IGDCC4: variants seen among roughly 807,000 people sequenced by gnomAD.
IGDCC4 encodes the protein immunoglobulin superfamily DCC subclass member 4, also known as likely ortholog of mouse neighbor of Punc E11.
Under a neutral mutation model 116.6 loss-of-function variants are expected in IGDCC4, and 72 were observed. The ratio of observed to expected loss-of-function variants is 0.62; its 90% confidence interval spans 0.51 to 0.75. The LOEUF is 0.75. Ranked by LOEUF, IGDCC4 falls within the 30% of genes least tolerant of loss-of-function variation. IGDCC4 has a pLI of 0.00. For missense variants in IGDCC4, 1,501 were observed against 1,662.4 expected, an observed-to-expected ratio of 0.90 and a Z score of 1.69; for synonymous variants, 709 against 719.9, an observed-to-expected ratio of 0.98 and a Z score of 0.24.
chr15:65,393,241 G>A lies in IGDCC4; in HGVS notation c.1885+120C>T. The A allele has an allele frequency of 9.4e-7, 1 of 1,064,950 alleles. No individual in the cohort carries two copies. Among genetic ancestry groups the A allele is most frequent in the East Asian group, 2.9e-5 (1 of 34,000 alleles). 66.0% of individuals were successfully genotyped at this position (1,064,950 alleles called of 1,614,324 possible). On this transcript the variant is annotated intron_variant, in intron 10 of 19. Coordinates refer to ENST00000352385, the MANE Select transcript of IGDCC4 (RefSeq NM_020962.3). The surrounding 1 kb of genome is among the most constrained non-coding windows in gnomAD (Gnocchi z 4.6). Reference sequence around the variant, plus strand: ...AGCCTCACTCACCCATCAAGCGGAGGGAGCCATGGAAGGTCTCTGATGGAG... The same window carrying A: ...AGCCTCACTCACCCATCAAGCGGAGAGAGCCATGGAAGGTCTCTGATGGAG...
rs773917542 is a variant in IGDCC4, at chr15:65,384,585, A to C, written c.3343-166T>G. Among the ~76,000 whole-genome samples the C allele has an allele frequency of 3.5e-4, 54 of 152,124 alleles. No homozygotes were observed. Among genetic ancestry groups the C allele is most frequent in the Non-Finnish European group, 7.2e-4 (49 of 68,010 alleles). On this transcript the variant is annotated intron_variant, in intron 19 of 19. Coordinates refer to ENST00000352385, the MANE Select transcript of IGDCC4 (RefSeq NM_020962.3). This position sits in a 1 kb window ranked among gnomAD's most constrained non-coding sequence, Gnocchi z 4.9. ...TGTTCGAACCTATACAAAGGCAGGG[A>C]ATGATGGAATACTTCCCATTTGCCC... is the stretch of plus-strand genomic sequence containing the variant.
At position 65,396,033 on chromosome 15, in the gene IGDCC4, CCGCAGCG is replaced by C; in HGVS notation, c.1121_1127del (p.Pro374ArgfsTer65). 1 of 1,467,946 alleles carries C rather than the reference CCGCAGCG, an allele frequency of 6.8e-7. No homozygotes were observed. Among genetic ancestry groups the C allele is most frequent in the South Asian group, 1.4e-5 (1 of 73,286 alleles). 90.9% of individuals were successfully genotyped at this position (1,467,946 alleles called of 1,614,324 possible). ...CCTGGACCTTGACGCGCCCGTTGGG[CCGCAGCG>C]GCGCCCCGTTGTGCAGCCAGCGCAG... is the stretch of plus-strand genomic sequence containing the variant. On this transcript the variant is annotated frameshift_variant, in exon 7 of 20. Coordinates refer to ENST00000352385, the MANE Select transcript of IGDCC4 (RefSeq NM_020962.3). LOFTEE classifies it high-confidence loss of function.
chr15:65,407,891 C>T (rs1464360302), intron 3 of IGDCC4, among the ~76,000 whole-genome samples: 1 of 151,902 alleles, frequency 6.6e-6, no homozygotes, highest in African/African-American at 2.4e-5. Flanking sequence ...GCCTCAGCCT[C>T]CCAAAGTGCT....
Position 65,407,039 on chromosome 15 carries a change from G to A in IGDCC4, c.563+3139C>T, listed in dbSNP as rs147808853. 2.7e-3 allele frequency among the ~76,000 whole-genome samples: 417 copies of A among 152,134 alleles called. 2 individuals carry two copies. Among genetic ancestry groups the A allele is most frequent in the African/African-American group, 9.4e-3 (391 of 41,492 alleles). On this transcript the variant is annotated intron_variant, in intron 3 of 19. Transcript: ENST00000352385. ...AACTTCTTCAGACCTCACAGGTTCC[G>A]CACCCAGCCACCAAATGACACCTAC...
intron 13 of IGDCC4, among the ~76,000 whole-genome samples, chr15:65,389,752 G>A (rs568945476): frequency 2.0e-4 from 31 of 152,210 alleles, no homozygotes; most frequent in African/African-American, 7.5e-4. Context: ...CTTTTTATGC[G>A]ACTTTCCTCC....
At chr15:65,418,842 A>G (rs1302270186) in intron 1 of IGDCC4, among the ~76,000 whole-genome samples, 9 of 151,946 alleles carry the variant, frequency 5.9e-5, no homozygotes, top group African/African-American at 2.2e-4. Context: ...TAAGTGGAGG[A>G]GGGTGGATTC....
At position 65,393,275 on chromosome 15, in the gene IGDCC4, C is replaced by G; in HGVS notation, c.1885+86G>C. Reference sequence around the variant, plus strand: ...GAAGGTCTCTGATGGAGGGCGGGGCCAGGGGGTGGGGCGCTGGGTCCCAAG... The same window carrying G: ...GAAGGTCTCTGATGGAGGGCGGGGCGAGGGGGTGGGGCGCTGGGTCCCAAG... On this transcript the variant is annotated intron_variant, in intron 10 of 19. Coordinates refer to ENST00000352385, the MANE Select transcript of IGDCC4 (RefSeq NM_020962.3). The surrounding 1 kb of genome is among the most constrained non-coding windows in gnomAD (Gnocchi z 4.6). 2.1e-6 allele frequency: 3 copies of G among 1,412,900 alleles called. No individual in the cohort carries two copies. In the South Asian group the frequency reaches 4.7e-5, roughly 22 times the overall value. 87.5% of individuals were successfully genotyped at this position (1,412,900 alleles called of 1,614,324 possible). A position where few individuals can be genotyped will look rare whatever the true frequency, so the allele number is the denominator to read the frequency against.
chr15:65,417,450 A>G (rs545872018), intron 1 of IGDCC4, among the ~76,000 whole-genome samples: 36 of 152,152 alleles, frequency 2.4e-4, no homozygotes, highest in Non-Finnish European at 3.8e-4. Context: ...ACCATGGCCA[A>G]TTCTCTGAAA....
In IGDCC4 at chr15:65,393,256, C is replaced by A; in HGVS notation, c.1885+105G>T. 1.6e-6 allele frequency: 2 copies of A among 1,263,476 alleles called. No individual in the cohort carries two copies. The highest frequency in any genetic ancestry group is 2.1e-6 in the Non-Finnish European group (2 of 949,892). 78.3% of individuals were successfully genotyped at this position (1,263,476 alleles called of 1,614,324 possible). A position where few individuals can be genotyped will look rare whatever the true frequency, so the allele number is the denominator to read the frequency against. On this transcript the variant is annotated intron_variant, in intron 10 of 19. Coordinates refer to ENST00000352385, the MANE Select transcript of IGDCC4 (RefSeq NM_020962.3). The surrounding 1 kb of genome is among the most constrained non-coding windows in gnomAD (Gnocchi z 4.6). ...TCAAGCGGAGGGAGCCATGGAAGGT[C>A]TCTGATGGAGGGCGGGGCCAGGGGG... is the stretch of plus-strand genomic sequence containing the variant.
At position 65,388,827 on chromosome 15, in the gene IGDCC4, C is replaced by T; in HGVS notation, c.2688G>A (p.Trp896Ter). The change falls in exon 15 of 20, where the codon TGG (tryptophan) becomes TGA (stop). Residue 896 changes from tryptophan to a stop codon, truncating the protein, a stop_gained. Coordinates refer to ENST00000352385, the MANE Select transcript of IGDCC4 (RefSeq NM_020962.3). LOFTEE classifies it high-confidence loss of function. ...CCTCACCCTGCGTGGTGAGCAAGGT[C>T]CACTGGTGCTCAGGCTGCGTGTGGT... ...SSNHTQPEHQ[W>*]TLLTTQGNIF... is the part of the protein sequence containing the mutation. The T allele has an allele frequency of 6.2e-7, 1 of 1,614,066 alleles. No individual in the cohort carries two copies. The highest frequency in any genetic ancestry group is 1.1e-5 in the South Asian group (1 of 91,090).
intron 15 of IGDCC4, 53 bp downstream of exon 15, chr15:65,388,755 G>C (rs1433929653): frequency 6.2e-6 from 10 of 1,610,138 alleles, no homozygotes; most frequent in Non-Finnish European, 8.5e-6. Flanking sequence ...ACTGCTGGAA[G>C]CGGGAGAGGC....
rs752107302 is a variant in IGDCC4 at position 65,400,887 on chromosome 15, T to C, written c.760A>G (p.Thr254Ala). 1.1e-5 allele frequency: 18 copies of C among 1,614,074 alleles called. No homozygotes were observed. In the South Asian group the frequency reaches 2.0e-4, roughly 18 times the overall value. Reference sequence around the variant, plus strand: ...ACCACACTCTGGCCAGACACCACTGTGGTGTTCTCTGGGGCTGCCACAATG... The same window carrying C: ...ACCACACTCTGGCCAGACACCACTGCGGTGTTCTCTGGGGCTGCCACAATG... ...VVIVAAPENT[T>A]VVSGQSVVME... Residue 254 changes from threonine (T) to alanine (A), a missense_variant, in exon 5 of 20, where the codon ACA becomes GCA. Around this residue, in one of 3 missense-constraint regions of IGDCC4, gnomAD observed 898 missense variants for 978.9 expected, o/e 0.92. Coordinates refer to ENST00000352385, the MANE Select transcript of IGDCC4 (RefSeq NM_020962.3).
intron 1 of IGDCC4, among the ~76,000 whole-genome samples, chr15:65,422,368 T>A (rs1350427710): frequency 6.8e-6 from 1 of 148,102 alleles, no homozygotes; most frequent in Non-Finnish European, 1.5e-5. Flanking sequence ...ACAACCCCAG[T>A]TCCCTCCTCT....
chr15:65,394,919 C>A (rs528172527), intron 8 of IGDCC4, among the ~76,000 whole-genome samples, 175 bp downstream of exon 8: 5 of 152,166 alleles, frequency 3.3e-5, no homozygotes, highest in African/African-American at 1.2e-4. Flanking sequence ...ATTTTCTGGG[C>A]CTCAGTTTCC....
intron 4 of IGDCC4, among the ~76,000 whole-genome samples, chr15:65,401,415 G>A (rs1446178570): frequency 6.6e-6 from 1 of 152,242 alleles, no homozygotes; most frequent in Non-Finnish European, 1.5e-5. Flanking sequence ...CTGTGCGGCA[G>A]TTCCCTAAAC....
In IGDCC4 at chr15:65,395,994, G is replaced by T; in HGVS notation, c.1167C>A (p.Ser389Arg). ...GCAGGCCGATCTGTGTGATGACCAG[G>T]CTGCCACCGCCGCCCTGGACCTTGA... The part of the protein sequence containing the change: ...GRVKVQGGGG[S>R]LVITQIGLQD... Residue 389 changes from serine (S) to arginine (R), a missense_variant, in exon 7 of 20, where the codon AGC becomes AGA. Around this residue, in one of 3 missense-constraint regions of IGDCC4, gnomAD observed 898 missense variants for 978.9 expected, o/e 0.92. Transcript: ENST00000352385. 1 of 1,552,756 alleles carries T rather than the reference G, an allele frequency of 6.4e-7. No homozygotes were observed.
chr15:65,422,851 C>T lies in IGDCC4; in HGVS notation c.12G>A (p.Gly4=). The T allele has an allele frequency of 6.7e-6, 8 of 1,193,382 alleles. No homozygotes were observed. The highest frequency in any genetic ancestry group is 3.2e-5 in the South Asian group (1 of 31,518). 73.9% of individuals were successfully genotyped at this position (1,193,382 alleles called of 1,614,324 possible). A position where few individuals can be genotyped will look rare whatever the true frequency, so the allele number is the denominator to read the frequency against. ...GGAGCCCGCGGCCGCGGCCGGCGTCCCCCCGCGCCATGGGGCTGGGCTCGG... is the reference window on the plus strand; with the variant it reads ...GGAGCCCGCGGCCGCGGCCGGCGTCTCCCCGCGCCATGGGGCTGGGCTCGG... MAR[G]DAGRGRGLLA... The change falls in exon 1 of 20, where the codon GGG becomes GGA. Residue 4 remains glycine, a synonymous_variant. Transcript: ENST00000352385.
chr15:65,422,890 C>T lies in IGDCC4; in HGVS notation c.-28G>A. The T allele has an allele frequency of 9.6e-7, 1 of 1,043,196 alleles. No individual in the cohort carries two copies. Among genetic ancestry groups the T allele is most frequent in the Non-Finnish European group, 1.2e-6 (1 of 866,660 alleles). The allele number at this position is 1,043,196 out of a possible 1,614,324, so 64.6% of individuals were successfully genotyped here. Reference sequence around the variant, plus strand: ...GGCTGGGCTCGGGCCGCCGCCGCCGCCGCCGCCTCCCCGTGCTTCGGCCGC... The same window carrying T: ...GGCTGGGCTCGGGCCGCCGCCGCCGTCGCCGCCTCCCCGTGCTTCGGCCGC... On this transcript the variant is annotated 5_prime_UTR_variant, in exon 1 of 20. Coordinates refer to ENST00000352385, the MANE Select transcript of IGDCC4 (RefSeq NM_020962.3).
intron 3 of IGDCC4, among the ~76,000 whole-genome samples, chr15:65,407,624 T>C (rs1255562652): frequency 1.3e-5 from 2 of 152,072 alleles, no homozygotes; most frequent in East Asian, 3.9e-4. Flanking sequence ...ATTACAGGCG[T>C]GAGCCACTGC....
Sources: allele counts gnomAD v4.1 joint callset (sites outside exome capture counted in the v4.1 genomes callset), GRCh38; gene constraint gnomAD v4.1.1; regional missense constraint gnomAD v4.1.1; non-coding constraint Gnocchi (gnomAD v3.1); transcripts MANE v1.5; gene names NCBI Gene and HGNC (gene_info 2026-07-23, HGNC 2026-07-21).